MSI2: variants seen among roughly 807,000 people sequenced by gnomAD.
MSI2 encodes the protein musashi RNA binding protein 2.
MSI2 carries 17 observed loss-of-function variants against 45.6 expected under a neutral mutation model. The ratio of observed to expected loss-of-function variants is 0.37; its 90% CI spans 0.26 to 0.56. The LOEUF (loss-of-function observed/expected upper bound fraction) is 0.56. Among genes scored for constraint, MSI2 ranks in the 20% least tolerant of loss-of-function variants. MSI2 has a pLI of 0.77. For synonymous variants in MSI2, 156 were observed against 158.2 expected, an observed-to-expected ratio of 0.99 and a Z score of 0.11; for missense variants, 293 against 444.2, an observed-to-expected ratio of 0.66 and a Z score of 3.06.
At chr17:57,323,321 T>A (rs1913500963) in intron 5 of MSI2, among the ~76,000 whole-genome samples, 1 of 151,956 alleles carries the variant, frequency 6.6e-6, no homozygotes, top group Admixed American at 6.5e-5. Flanking sequence ...TTTTTCAGAG[T>A]TTTGACTGAG....
At chr17:57,426,435 C>T (rs78858007) in intron 6 of MSI2, among the ~76,000 whole-genome samples, 5,384 of 152,296 alleles carry the variant, frequency 0.035, 112 homozygotes, top group Middle Eastern at 0.085. Flanking sequence ...TGCGTCCTCA[C>T]GGCACATGGG....
At chr17:57,355,610 T>C (rs867800352) in intron 5 of MSI2, among the ~76,000 whole-genome samples, 7 of 152,246 alleles carry the variant, frequency 4.6e-5, no homozygotes, top group African/African-American at 1.4e-4. Flanking sequence ...CTGATTTTCG[T>C]GGTTACCACT....
chr17:57,669,186 G>A (rs1025596029), intron 11 of MSI2, among the ~76,000 whole-genome samples: 7 of 152,182 alleles, frequency 4.6e-5, no homozygotes, highest in Admixed American at 2.6e-4. Flanking sequence ...TATTTACAGT[G>A]GGCACTGCTT....
Position 57,627,442 on chromosome 17 carries a change from C to A in MSI2, c.727+139C>A. The stretch of plus-strand genomic sequence containing the variant: ...GACCTATACATGATAAATTTCAAAT[C>A]CACTGAAGTTCAAGGCCAGGATGCA... On this transcript the variant is annotated intron_variant, in intron 10 of 13. Transcript: ENST00000284073. The surrounding 1 kb of genome is among the most constrained non-coding windows in gnomAD (Gnocchi z 4.6). The A allele has an allele frequency of 1.3e-6, 1 of 777,024 alleles. No homozygotes were observed. Among genetic ancestry groups the A allele is most frequent in the Non-Finnish European group, 2.2e-6 (1 of 454,366 alleles). 48.1% of individuals were successfully genotyped at this position (777,024 alleles called of 1,614,324 possible). A position where few individuals can be genotyped will look rare whatever the true frequency, so the allele number is the denominator to read the frequency against.
intron 6 of MSI2, among the ~76,000 whole-genome samples, chr17:57,411,660 C>T (rs1294094609): frequency 6.6e-6 from 1 of 152,064 alleles, no homozygotes; most frequent in Non-Finnish European, 1.5e-5. Context: ...AGCTGTTTAT[C>T]CTGAGGTGAT....
chr17:57,318,689 T>C (rs1483447292), intron 5 of MSI2, among the ~76,000 whole-genome samples: 3 of 152,092 alleles, frequency 2.0e-5, no homozygotes, highest in East Asian at 1.9e-4. Flanking sequence ...GTAGCTGACA[T>C]AGAAGCACAT....
chr17:57,495,378 C>G (rs1248457891), intron 6 of MSI2, among the ~76,000 whole-genome samples: 1 of 151,670 alleles, frequency 6.6e-6, no homozygotes, highest in South Asian at 2.1e-4. Context: ...ACTAAAAATA[C>G]AAAAATCAGC....
chr17:57,478,931 G>C (rs1164061602), intron 6 of MSI2, among the ~76,000 whole-genome samples: 2 of 152,182 alleles, frequency 1.3e-5, no homozygotes, highest in African/African-American at 4.8e-5. Flanking sequence ...AATAGTCAGT[G>C]AGTGTGTGCT....
chr17:57,509,357 C>A (rs1266671786), intron 6 of MSI2, among the ~76,000 whole-genome samples: 1 of 152,094 alleles, frequency 6.6e-6, no homozygotes, highest in Non-Finnish European at 1.5e-5. Context: ...CGTTATGCCG[C>A]CCACAAATGG....
At chr17:57,344,160 A>G (rs1915401836) in intron 5 of MSI2, among the ~76,000 whole-genome samples, 1 of 152,238 alleles carries the variant, frequency 6.6e-6, no homozygotes, top group Non-Finnish European at 1.5e-5. Flanking sequence ...TGGTTACAAA[A>G]TAATTTTCTA....
At chr17:57,387,637 T>C (rs1181682741) in intron 5 of MSI2, among the ~76,000 whole-genome samples, 1 of 152,222 alleles carries the variant, frequency 6.6e-6, no homozygotes, top group Non-Finnish European at 1.5e-5. Context: ...TGGCGATGGA[T>C]TGATTCAGGG....
At chr17:57,672,087 G>C (rs992348735) in intron 11 of MSI2, among the ~76,000 whole-genome samples, 1 of 152,228 alleles carries the variant, frequency 6.6e-6, no homozygotes. Flanking sequence ...CCCTCTAGTG[G>C]GGACCCAGCA....
intron 5 of MSI2, among the ~76,000 whole-genome samples, chr17:57,377,932 A>G (rs1044268987): frequency 6.6e-6 from 1 of 152,014 alleles, no homozygotes; most frequent in Non-Finnish European, 1.5e-5. Context: ...AAAATTAGCC[A>G]GGCGTGGTGG....
chr17:57,697,746 T>C, the MSI2 span, among the ~76,000 whole-genome samples: 1 of 152,244 alleles, frequency 6.6e-6, no homozygotes, highest in East Asian at 1.9e-4. Flanking sequence ...GTTTCCCTTA[T>C]AAAAACATCA....
chr17:57,473,720 C>T (rs984168002), intron 6 of MSI2, among the ~76,000 whole-genome samples: 2 of 152,250 alleles, frequency 1.3e-5, no homozygotes, highest in East Asian at 3.9e-4. Context: ...TGTTTGGTTG[C>T]CCCTGGAATC....
In MSI2 at chr17:57,500,963, G is replaced by GA. The variant is rs568851594; in HGVS notation, c.406-28700dup. Among the ~76,000 whole-genome samples, 376 of 141,876 alleles carry GA rather than the reference G, an allele frequency of 2.7e-3. 2 individuals are homozygous for GA. Among genetic ancestry groups the GA allele is most frequent in the African/African-American group, 5.3e-3 (205 of 38,610 alleles). 93.1% of individuals were successfully genotyped at this position (141,876 alleles called of 152,430 possible). On this transcript the variant is annotated intron_variant, in intron 6 of 13. Transcript: ENST00000284073. ...GGGTGACAAAGTGAGACCCTGTCTT[G>GA]AAAAAAAAAAAAATGAACCAATATG...
At chr17:57,447,442 G>A (rs1353970734) in intron 6 of MSI2, among the ~76,000 whole-genome samples, 5 of 152,226 alleles carry the variant, frequency 3.3e-5, no homozygotes, top group East Asian at 1.9e-4. Context: ...CTGGAAGGGC[G>A]GCCCCTGGAT....
At chr17:57,630,975 TGCGAAC>T (rs1909314235) in intron 10 of MSI2, 1 of 152,298 alleles carries the variant, frequency 6.6e-6, no homozygotes, top group Non-Finnish European at 1.5e-5. Flanking sequence ...AGGTAGATTC[TGCGAAC>T]CCCTGCCATG....
chr17:57,305,896 A>G (rs561653995), intron 5 of MSI2, among the ~76,000 whole-genome samples: 14 of 152,216 alleles, frequency 9.2e-5, no homozygotes, highest in African/African-American at 1.4e-4. Context: ...ATTTCAAACC[A>G]TCTGCTCAAT....
Sources: gnomAD v4.1 joint callset for allele counts (sites outside exome capture counted in the v4.1 genomes callset) on GRCh38, gnomAD v4.1.1 for gene constraint, Gnocchi (gnomAD v3.1) non-coding constraint, MANE v1.5 for transcripts, NCBI Gene and HGNC (gene_info 2026-07-23, HGNC 2026-07-21) for gene names.